TNR: variants seen among roughly 807,000 people sequenced by gnomAD.
TNR encodes the protein tenascin-R.
TNR carries 45 observed loss-of-function variants against 150.4 expected under a neutral mutation model. The ratio of observed to expected loss-of-function variants is 0.30; its 90% CI spans 0.24 to 0.38. TNR has a LOEUF of 0.38. TNR is among the 10% of genes least tolerant of loss of function. The pLI, the probability that TNR is intolerant of heterozygous loss-of-function variation, is 1.00. For synonymous variants in TNR, 687 were observed against 678.4 expected (o/e 1.01, Z -0.20); for missense variants, 1,544 against 1,759.1 (o/e 0.88, Z 2.19).
chr1:175,398,415 T>C (rs978123704), intron 4 of TNR, among the ~76,000 whole-genome samples: 1 of 152,254 alleles, frequency 6.6e-6, no homozygotes, highest in African/African-American at 2.4e-5. Context: ...TTTCAAATGA[T>C]GTTTTATAAA....
rs76518304 is a variant in TNR at position 175,601,230 on chromosome 1, C to T, written c.-164-72861G>A. On this transcript the variant is annotated intron_variant, in intron 1 of 22. Coordinates refer to ENST00000367674, the MANE Select transcript of TNR (RefSeq NM_003285.3). ...GCCACATCCTGCACTTGCTCTGCAG[C>T]GGGTAGAGTTTGGGTAAGGTCACTT... is the stretch of plus-strand genomic sequence containing the variant. Among the ~76,000 whole-genome samples the T allele has an allele frequency of 4.3e-3, 652 of 152,300 alleles. 4 individuals are homozygous for T. Among genetic ancestry groups the T allele is most frequent in the African/African-American group, 0.015 (615 of 41,572 alleles).
At chr1:175,543,105 G>A (rs1193358162) in intron 1 of TNR, among the ~76,000 whole-genome samples, 7 of 152,104 alleles carry the variant, frequency 4.6e-5, no homozygotes, top group African/African-American at 7.2e-5. Flanking sequence ...ATTTTGCACC[G>A]GGCCCTGCAA....
rs186478876 is a variant in TNR at position 175,492,979 on chromosome 1, T to C, written c.-64+35290A>G. On this transcript the variant is annotated intron_variant, in intron 2 of 22. Coordinates refer to ENST00000367674, the MANE Select transcript of TNR (RefSeq NM_003285.3). ...GGGGTGCAGGCATGAACACAGGCAA[T>C]ACGAGGAGCAGGAGGTGGGTGGGTA... is the stretch of plus-strand genomic sequence containing the variant. 5.5e-4 allele frequency among the ~76,000 whole-genome samples: 83 copies of C among 152,168 alleles called. 1 individual carries two copies. The South Asian group carries it at 0.01, about 19-fold the overall frequency.
At chr1:175,613,246 GTAGC>G (rs1227233408) in intron 1 of TNR, among the ~76,000 whole-genome samples, 1 of 152,124 alleles carries the variant, frequency 6.6e-6, no homozygotes, top group African/African-American at 2.4e-5. Context: ...CTGAGTCTCT[GTAGC>G]TAGGTCCTAT....
At chr1:175,444,174 C>G (rs956651615) in intron 2 of TNR, among the ~76,000 whole-genome samples, 1 of 152,086 alleles carries the variant, frequency 6.6e-6, no homozygotes, top group African/African-American at 2.4e-5. Flanking sequence ...CATACAAAGC[C>G]GAGGCATCTG....
At chr1:175,560,669 A>G (rs1661388998) in intron 1 of TNR, among the ~76,000 whole-genome samples, 1 of 152,242 alleles carries the variant, frequency 6.6e-6, no homozygotes, top group South Asian at 2.1e-4. Flanking sequence ...AATGATCAGT[A>G]TCAAATCCAG....
intron 1 of TNR, among the ~76,000 whole-genome samples, chr1:175,652,437 A>AT (rs545199254): frequency 1.1e-3 from 160 of 152,242 alleles, no homozygotes; most frequent in African/African-American, 3.7e-3. Context: ...TACTATCTGT[A>AT]TTTAAAAAAA....
At chr1:175,695,561 C>T (rs1488227355) in intron 1 of TNR, among the ~76,000 whole-genome samples, 2 of 152,198 alleles carry the variant, frequency 1.3e-5, no homozygotes, top group Non-Finnish European at 2.9e-5. Context: ...ATTCACCACT[C>T]TTGTCTTGCT....
Position 175,492,155 on chromosome 1 carries a change from GA to G in TNR, c.-64+36113del, listed in dbSNP as rs377592100. ...AACAGATTTCATCAAAATTTTGGAG[GA>G]AAAAAAAGGAGCATTTATTCTTCAG... is the stretch of plus-strand genomic sequence containing the variant. On this transcript the variant is annotated intron_variant, in intron 2 of 22. Coordinates refer to ENST00000367674, the MANE Select transcript of TNR (RefSeq NM_003285.3). Among the ~76,000 whole-genome samples the G allele has an allele frequency of 2.7e-4, 41 of 151,804 alleles. 1 individual carries two copies. Among genetic ancestry groups the G allele is most frequent in the African/African-American group, 8.9e-4 (37 of 41,434 alleles).
intron 1 of TNR, among the ~76,000 whole-genome samples, chr1:175,700,658 C>A (rs752654976): frequency 4.6e-5 from 7 of 152,184 alleles, no homozygotes; most frequent in Non-Finnish European, 8.8e-5. Context: ...TCTGCAGGAG[C>A]TGAGCTTGGA....
At chr1:175,464,448 AGG>A (rs1656943815) in intron 2 of TNR, among the ~76,000 whole-genome samples, 1 of 152,238 alleles carries the variant, frequency 6.6e-6, no homozygotes, top group Admixed American at 6.5e-5. Context: ...AATTGGCCAA[AGG>A]GGCTAGAAGA....
In TNR at chr1:175,599,125, G is replaced by A. The variant is rs1292703035; in HGVS notation, c.-164-70756C>T. Among the ~76,000 whole-genome samples the A allele has an allele frequency of 6.6e-6, 1 of 152,176 alleles. No individual in the cohort carries two copies. The highest frequency in any genetic ancestry group is 1.9e-4 in the East Asian group (1 of 5,184). ...AGCCTCTATGGGCCCCGGGTTGCGG[G>A]GGGTCACCAATTTGCAGAGCTGAGG... On this transcript the variant is annotated intron_variant, in intron 1 of 22. Coordinates refer to ENST00000367674, the MANE Select transcript of TNR (RefSeq NM_003285.3). This position sits in a 1 kb window ranked among gnomAD's most constrained non-coding sequence, Gnocchi z 4.7.
At position 175,633,809 on chromosome 1, in the gene TNR, G is replaced by C. The variant is rs187198862; in HGVS notation, c.-164-105440C>G. 4.3e-3 allele frequency among the ~76,000 whole-genome samples: 650 copies of C among 152,214 alleles called. 4 individuals are homozygous for C. Among genetic ancestry groups the C allele is most frequent in the African/African-American group, 0.015 (616 of 41,530 alleles). On this transcript the variant is annotated intron_variant, in intron 1 of 22. Coordinates refer to ENST00000367674, the MANE Select transcript of TNR (RefSeq NM_003285.3). ...TCTCAGAATGGGAGAGGTGGAGGGA[G>C]GAAAGGAAGAATATTAGGGAATTGT...
At chr1:175,657,259 G>A (rs1307714643) in intron 1 of TNR, among the ~76,000 whole-genome samples, 1 of 152,164 alleles carries the variant, frequency 6.6e-6, no homozygotes, top group Non-Finnish European at 1.5e-5. Context: ...TCATTAAAAA[G>A]TCAGGGAACA....
chr1:175,646,827 T>C lies in TNR; in HGVS notation c.-165+96399A>G, dbSNP rs149522174. ...TCTTCTGCCAGGTCCACTGGAATTT[T>C]ACATGACCTGCTTCATTCTGTGGCC... is the stretch of plus-strand genomic sequence containing the variant. On this transcript the variant is annotated intron_variant, in intron 1 of 22. Transcript: ENST00000367674. Among the ~76,000 whole-genome samples, 69 of 152,360 alleles carry C rather than the reference T, an allele frequency of 4.5e-4. 1 individual carries two copies. Among genetic ancestry groups the C allele is most frequent in the African/African-American group, 1.5e-3 (62 of 41,590 alleles).
At chr1:175,733,041 C>T (rs1667683342) in intron 1 of TNR, among the ~76,000 whole-genome samples, 2 of 152,226 alleles carry the variant, frequency 1.3e-5, no homozygotes, top group African/African-American at 4.8e-5. Flanking sequence ...TCCTTCATCA[C>T]TGGCAGGCCT....
intron 2 of TNR, among the ~76,000 whole-genome samples, chr1:175,429,276 T>C (rs1351960): frequency 6.6e-6 from 1 of 152,154 alleles, no homozygotes; most frequent in Non-Finnish European, 1.5e-5. Flanking sequence ...TAGATATAGA[T>C]GTATATGTAA....
intron 2 of TNR, among the ~76,000 whole-genome samples, chr1:175,452,017 T>C (rs1656347045): frequency 6.6e-6 from 1 of 152,112 alleles, no homozygotes; most frequent in Non-Finnish European, 1.5e-5. Context: ...TGTTTCTCTG[T>C]CCCAGGCTCC....
At chr1:175,537,204 G>A (rs1660325998) in intron 1 of TNR, among the ~76,000 whole-genome samples, 1 of 152,160 alleles carries the variant, frequency 6.6e-6, no homozygotes, top group Non-Finnish European at 1.5e-5. Flanking sequence ...TCAATCACCA[G>A]GGTAATTTCC....
Sources: gnomAD v4.1 joint callset for allele counts (sites outside exome capture counted in the v4.1 genomes callset) on GRCh38, gnomAD v4.1.1 for gene constraint, Gnocchi (gnomAD v3.1) non-coding constraint, MANE v1.5 for transcripts, NCBI Gene and HGNC (gene_info 2026-07-23, HGNC 2026-07-21) for gene names.